Variants in VEGFA observed in about 807,000 individuals in gnomAD.
The protein encoded by VEGFA is vascular endothelial growth factor A, also known as vascular endothelial growth factor A, long form.
A neutral mutation model predicts 49.7 loss-of-function variants in VEGFA; 20 were observed. The ratio of observed to expected loss-of-function variants is 0.40; its 90% CI spans 0.28 to 0.58. The LOEUF (loss-of-function observed/expected upper bound fraction) is 0.58. VEGFA is among the 20% of genes least tolerant of loss of function. The pLI, the probability that VEGFA is intolerant of heterozygous loss-of-function variation, is 0.40. For missense variants in VEGFA, 505 were observed against 553.5 expected (o/e 0.91, Z 0.88); for synonymous variants, 219 against 223.4 (o/e 0.98, Z 0.18).
chr6:43,771,384 G>A (rs1763489566), intron 1 of VEGFA, 72 bp downstream of exon 1: 3 of 1,507,456 alleles, frequency 2.0e-6, no homozygotes, highest in Non-Finnish European at 2.7e-6. Context: ...GTGCGTGCGA[G>A]CGCGCGCGTG....
chr6:43,780,534 G>A lies in VEGFA; in HGVS notation c.963-198G>A, dbSNP rs116722007. 958 of 682,590 alleles carry A rather than the reference G, an allele frequency of 1.4e-3. 3 individuals carry two copies. Among genetic ancestry groups the A allele is most frequent in the Middle Eastern group, 3.6e-3 (9 of 2,476 alleles). The allele number at this position is 682,590 out of a possible 1,614,324, so 42.3% of individuals were successfully genotyped here. A position where few individuals can be genotyped will look rare whatever the true frequency, so the allele number is the denominator to read the frequency against. On this transcript the variant is annotated intron_variant, in intron 5 of 7. Transcript: ENST00000672860. Reference sequence around the variant, plus strand: ...AGCGTGAGGAGAAGAAAGAGCCATCGAGTGCTTGCTGCCCAGACACGCCTG... The same window carrying A: ...AGCGTGAGGAGAAGAAAGAGCCATCAAGTGCTTGCTGCCCAGACACGCCTG...
Position 43,777,370 on chromosome 6 carries a change from G to A in VEGFA, c.659-99G>A, listed in dbSNP as rs3024997. 0.32 allele frequency: 439,439 copies of A among 1,383,676 alleles called. 71,326 individuals are homozygous for A. Among genetic ancestry groups the A allele is most frequent in the East Asian group, 0.43 (18,598 of 42,934 alleles). 85.7% of individuals were successfully genotyped at this position (1,383,676 alleles called of 1,614,324 possible). On this transcript the variant is annotated intron_variant, in intron 2 of 7. Coordinates refer to ENST00000672860, the MANE Select transcript of VEGFA (RefSeq NM_003376.6). The surrounding 1 kb of genome is among the most constrained non-coding windows in gnomAD (Gnocchi z 4.3). ...GATTTTGGAAGGACTTGCCTGATTC[G>A]GAAGCTCCAAAGAGTGGCATTACAG...
rs372936896 is a variant in VEGFA at position 43,779,381 on chromosome 6, C to G, written c.962+463C>G. The G allele has an allele frequency of 1.8e-4, 61 of 345,492 alleles. 2 individuals are homozygous for G. Among genetic ancestry groups the G allele is most frequent in the South Asian group, 1.7e-3 (60 of 36,356 alleles). 21.4% of individuals were successfully genotyped at this position (345,492 alleles called of 1,614,324 possible). A position where few individuals can be genotyped will look rare whatever the true frequency, so the allele number is the denominator to read the frequency against. On this transcript the variant is annotated intron_variant, in intron 5 of 7. Transcript: ENST00000672860. Reference sequence around the variant, plus strand: ...GGAGGGTGGTTTCTCAGTGCATGCCCTCCTGTAGGCGGCAGGCGGCAGACA... The same window carrying G: ...GGAGGGTGGTTTCTCAGTGCATGCCGTCCTGTAGGCGGCAGGCGGCAGACA...
chr6:43,782,058 G>A lies in VEGFA; in HGVS notation c.1137G>A (p.Arg379=). ...ACACAGACTCGCGTTGCAAGGCGAG[G>A]CAGCTTGAGTTAAACGAACGTACTT... Residue 379 remains arginine (R), a synonymous_variant, in exon 7 of 8, where the codon AGG becomes AGA. Coordinates refer to ENST00000672860, the MANE Select transcript of VEGFA (RefSeq NM_003376.6). 6.2e-7 allele frequency: 1 copy of A among 1,614,066 alleles called. No homozygotes were observed. The highest frequency in any genetic ancestry group is 1.1e-5 in the South Asian group (1 of 91,074).
In VEGFA at chr6:43,770,354, T is replaced by C; in HGVS notation, c.-353T>C. The C allele has an allele frequency of 3.2e-6, 1 of 312,586 alleles. No homozygotes were observed. Among genetic ancestry groups the C allele is most frequent in the Non-Finnish European group, 5.8e-6 (1 of 172,986 alleles). 19.4% of individuals were successfully genotyped at this position (312,586 alleles called of 1,614,324 possible). A position where few individuals can be genotyped will look rare whatever the true frequency, so the allele number is the denominator to read the frequency against. On this transcript the variant is annotated 5_prime_UTR_variant, in exon 1 of 8. Transcript: ENST00000672860. ...CTCGGTGCTGGAATTTGATATTCAT[T>C]GATCCGGGTTTTATCCCTCTTCTTT... is the stretch of plus-strand genomic sequence containing the variant.
intron 6 of VEGFA, chr6:43,781,715 C>T (rs548293235): frequency 9.0e-5 from 45 of 498,112 alleles, no homozygotes; most frequent in African/African-American, 8.0e-4. Flanking sequence ...GCAGCCTCTC[C>T]CTGCACTCTC....
At position 43,771,288 on chromosome 6, in the gene VEGFA, G is replaced by A. The variant is rs148486700; in HGVS notation, c.582G>A (p.Leu194=). The A allele has an allele frequency of 2.8e-4, 451 of 1,606,662 alleles. No individual in the cohort carries two copies. Among genetic ancestry groups the A allele is most frequent in the Non-Finnish European group, 3.5e-4 (416 of 1,177,378 alleles). ...CTTGGGTGCATTGGAGCCTTGCCTT[G>A]CTGCTCTACCTCCACCATGCCAAGG... The change falls in exon 1 of 8, where the codon TTG becomes TTA. Residue 194 remains leucine (L), a synonymous_variant. Coordinates refer to ENST00000672860, the MANE Select transcript of VEGFA (RefSeq NM_003376.6).
intron 2 of VEGFA, chr6:43,774,823 C>T: frequency 3.7e-6 from 1 of 270,748 alleles, no homozygotes; most frequent in South Asian, 4.6e-5. Context: ...GCACAGAGGG[C>T]TCAGCCTAAT....
Position 43,771,327 on chromosome 6 carries a change from C to A in VEGFA, c.606+15C>A. 6.3e-7 allele frequency: 1 copy of A among 1,593,152 alleles called. No individual in the cohort carries two copies. The highest frequency in any genetic ancestry group is 1.1e-5 in the South Asian group (1 of 89,440). ...ACCATGCCAAGGTAAGCGGTCGTGC[C>A]CTGCTGGCGCCGCGGGCCGCTGCGA... On this transcript the variant is annotated intron_variant, in intron 1 of 7. Coordinates refer to ENST00000672860, the MANE Select transcript of VEGFA (RefSeq NM_003376.6).
Position 43,771,061 on chromosome 6 carries a change from T to A in VEGFA, c.355T>A (p.Trp119Arg). The A allele has an allele frequency of 6.6e-7, 1 of 1,513,660 alleles. No individual in the cohort carries two copies. The highest frequency in any genetic ancestry group is 8.8e-7 in the Non-Finnish European group (1 of 1,130,862). 93.8% of individuals were successfully genotyped at this position (1,513,660 alleles called of 1,614,324 possible). ...ACTCGGCGCTCGGAAGCCGGGCTCATGGACGGGTGAGGCGGCGGTGTGCGC... is the reference window on the plus strand; with the variant it reads ...ACTCGGCGCTCGGAAGCCGGGCTCAAGGACGGGTGAGGCGGCGGTGTGCGC... The change falls in exon 1 of 8, where the codon TGG (tryptophan) becomes AGG (arginine). Residue 119 changes from tryptophan (W) to arginine (R), a missense_variant. Physicochemically the swap from Trp to Arg is moderately radical, Grantham distance 101 (BLOSUM62 -3). Around this residue, in one of 2 missense-constraint regions of VEGFA, gnomAD observed 340 missense variants for 321.8 expected, o/e 1.06. Transcript: ENST00000672860.
intron 1 of VEGFA, 91 bp from the exon 2 acceptor site, chr6:43,774,249 AG>A: frequency 7.4e-7 from 1 of 1,350,844 alleles, no homozygotes; most frequent in South Asian, 1.2e-5. Flanking sequence ...TGTTGGTGGG[AG>A]GGAAGTGAGG....
In VEGFA at chr6:43,770,758, C is replaced by G. The variant is rs1243046808; in HGVS notation, c.52C>G (p.Pro18Ala). 2 of 1,498,266 alleles carry G rather than the reference C, an allele frequency of 1.3e-6. No individual in the cohort carries two copies. Among genetic ancestry groups the G allele is most frequent in the East Asian group, 2.8e-5 (1 of 36,304 alleles). 92.8% of individuals were successfully genotyped at this position (1,498,266 alleles called of 1,614,324 possible). ...CCCCAGCCCCAGCTACCACCTCCTC[C>G]CCGGCCGGCGGCGGACAGTGGACGC... Residue 18 changes from proline to alanine, a missense_variant, in exon 1 of 8, where the codon CCC becomes GCC. Pro to Ala is a conservative substitution (Grantham distance 27, BLOSUM62 -1). Around this residue, in one of 2 missense-constraint regions of VEGFA, gnomAD observed 340 missense variants for 321.8 expected, o/e 1.06. Transcript: ENST00000672860.
chr6:43,779,716 A>T (rs1766742202), intron 5 of VEGFA: 2 of 466,678 alleles, frequency 4.3e-6, no homozygotes, highest in Non-Finnish European at 8.6e-6. Flanking sequence ...GAGCGAGGGG[A>T]TGCGGAAACC....
At chr6:43,776,688 C>T (rs1473879699) in intron 2 of VEGFA, 1 of 153,848 alleles carries the variant, frequency 6.5e-6, no homozygotes, top group Non-Finnish European at 1.4e-5. Context: ...AGGGCCCAGC[C>T]CCTGTGCTGA....
chr6:43,778,275 G>C, intron 3 of VEGFA, 185 bp from the exon 4 acceptor site: 1 of 674,936 alleles, frequency 1.5e-6, no homozygotes, highest in Non-Finnish European at 2.7e-6. Flanking sequence ...AGGCCAGCAG[G>C]GTTGGGGGAG....
At position 43,770,845 on chromosome 6, in the gene VEGFA, G is replaced by T; in HGVS notation, c.139G>T (p.Ala47Ser). ...CGGAGGCGGGGTGGAGGGGGTCGGG[G>T]CTCGCGGCGTCGCACTGAAACTTTT... Residue 47 changes from alanine (A) to serine (S), a missense_variant, in exon 1 of 8, where the codon GCT becomes TCT. By Grantham distance (99) the Ala-to-Ser change is moderately conservative (BLOSUM62 1). This residue lies in a region of VEGFA where 340 missense variants were observed against 321.8 expected (regional missense o/e 1.06). Transcript: ENST00000672860. 5.2e-6 allele frequency: 8 copies of T among 1,532,780 alleles called. No homozygotes were observed. Among genetic ancestry groups the T allele is most frequent in the Non-Finnish European group, 7.0e-6 (8 of 1,141,104 alleles). 94.9% of individuals were successfully genotyped at this position (1,532,780 alleles called of 1,614,324 possible).
At chr6:43,771,805 C>G (rs1163753627) in intron 1 of VEGFA, among the ~76,000 whole-genome samples, 1 of 152,190 alleles carries the variant, frequency 6.6e-6, no homozygotes, top group Non-Finnish European at 1.5e-5. Context: ...CACTGCCACT[C>G]GGTCTCTTCA....
At chr6:43,779,056 G>A in intron 5 of VEGFA, 138 bp downstream of exon 5, 2 of 1,134,590 alleles carry the variant, frequency 1.8e-6, no homozygotes, top group Non-Finnish European at 2.7e-6. Context: ...TGTGGTGGCA[G>A]CAACAATGGG....
At chr6:43,774,105 C>A (rs980546855) in intron 1 of VEGFA, 2 of 595,346 alleles carry the variant, frequency 3.4e-6, no homozygotes, top group African/African-American at 1.9e-5. Context: ...CTCCCCAGCC[C>A]CCAACATCTG....
Sources: allele counts gnomAD v4.1 joint callset (sites outside exome capture counted in the v4.1 genomes callset), GRCh38; gene constraint gnomAD v4.1.1; regional missense constraint gnomAD v4.1.1; non-coding constraint Gnocchi (gnomAD v3.1); transcripts MANE v1.5; gene names NCBI Gene and HGNC (gene_info 2026-07-23, HGNC 2026-07-21).